Variants in ASIC2 observed in about 807,000 individuals in gnomAD.
ASIC2 encodes the protein acid sensing ion channel subunit 2.
A neutral mutation model predicts 57.3 loss-of-function variants in ASIC2; 25 were observed. The ratio of observed to expected loss-of-function variants is 0.44; its 90% CI spans 0.32 to 0.61. The LOEUF (loss-of-function observed/expected upper bound fraction) is 0.61. ASIC2 is among the 20% of genes least tolerant of loss of function. The probability of loss-of-function intolerance (pLI) is 0.06; values close to 1 mark genes in which losing one functional copy is unlikely to be tolerated. For synonymous variants in ASIC2, 319 were observed against 307.5 expected, an observed-to-expected ratio of 1.04 and a Z score of -0.39; for missense variants, 641 against 738.1, an observed-to-expected ratio of 0.87 and a Z score of 1.52.
chr17:33,400,764 C>T (rs1263916633), intron 1 of ASIC2, among the ~76,000 whole-genome samples: 1 of 152,178 alleles, frequency 6.6e-6, no homozygotes, highest in African/African-American at 2.4e-5. Context: ...TTCCCTTTCA[C>T]CTGTCCTCAC....
At chr17:33,940,737 T>C (rs1916172375) in intron 1 of ASIC2, among the ~76,000 whole-genome samples, 1 of 152,246 alleles carries the variant, frequency 6.6e-6, no homozygotes, top group South Asian at 2.1e-4. Context: ...GAGACAAGAC[T>C]GTTAAGCAAA....
chr17:33,579,094 G>C (rs1597794083), intron 1 of ASIC2, among the ~76,000 whole-genome samples: 1 of 148,916 alleles, frequency 6.7e-6, no homozygotes, highest in Admixed American at 6.6e-5. Context: ...AGACCAGTCT[G>C]GCCAACATGG....
At chr17:33,751,855 C>T (rs1023580821) in intron 1 of ASIC2, among the ~76,000 whole-genome samples, 2 of 141,684 alleles carry the variant, frequency 1.4e-5, no homozygotes, top group African/African-American at 5.1e-5. Context: ...GGGGGCAGAC[C>T]GGGTGTGCTG....
At chr17:33,687,620 C>T (rs1337385176) in intron 1 of ASIC2, among the ~76,000 whole-genome samples, 1 of 152,200 alleles carries the variant, frequency 6.6e-6, no homozygotes, top group East Asian at 1.9e-4. Flanking sequence ...TCATCCCCTT[C>T]AATGTGGCTC....
chr17:33,727,384 T>C (rs2142088171), intron 1 of ASIC2, among the ~76,000 whole-genome samples: 1 of 152,248 alleles, frequency 6.6e-6, no homozygotes, highest in African/African-American at 2.4e-5. Flanking sequence ...GAAGTATAAA[T>C]GGTCCGATTT....
At chr17:33,183,775 GAGATTTCA>G (rs1169148445) in intron 1 of ASIC2, among the ~76,000 whole-genome samples, 1 of 152,128 alleles carries the variant, frequency 6.6e-6, no homozygotes, top group Non-Finnish European at 1.5e-5. Context: ...TGGTTTATAT[GAGATTTCA>G]AGATCTGCAT....
At chr17:34,131,095 G>T (rs371759465) in intron 1 of ASIC2, among the ~76,000 whole-genome samples, 22 of 150,152 alleles carry the variant, frequency 1.5e-4, no homozygotes, top group South Asian at 8.4e-4. Flanking sequence ...CAAAGCTGAG[G>T]GGCCAGTGGG....
intron 1 of ASIC2, among the ~76,000 whole-genome samples, chr17:33,948,597 C>G (rs994107537): frequency 8.5e-5 from 13 of 152,228 alleles, no homozygotes; most frequent in Non-Finnish European, 1.5e-5. Flanking sequence ...CTGCACTACA[C>G]AGAGAAGGCG....
intron 1 of ASIC2, chr17:33,529,896 CT>C (rs1351112414): frequency 2.0e-5 from 3 of 152,198 alleles, no homozygotes; most frequent in African/African-American, 7.2e-5. Context: ...GGACTCCTGC[CT>C]TTGTGCTCCT....
intron 1 of ASIC2, chr17:33,566,026 G>A (rs1916223451): frequency 6.6e-6 from 1 of 152,264 alleles, no homozygotes; most frequent in African/African-American, 2.4e-5. Context: ...TTCTCCTCTT[G>A]TAGCTGGGAG....
At chr17:33,126,895 C>A (rs2092325363) in intron 1 of ASIC2, among the ~76,000 whole-genome samples, 1 of 117,860 alleles carries the variant, frequency 8.5e-6, no homozygotes, top group South Asian at 3.1e-4. Flanking sequence ...GAGTCTCGCT[C>A]TGTCGCCCAG....
chr17:33,743,962 A>C (rs1910185506), intron 1 of ASIC2, among the ~76,000 whole-genome samples: 1 of 152,224 alleles, frequency 6.6e-6, no homozygotes, highest in Non-Finnish European at 1.5e-5. Flanking sequence ...ACATGCTGGA[A>C]GAAACAAGCT....
intron 1 of ASIC2, among the ~76,000 whole-genome samples, chr17:33,457,957 C>G (rs1168021348): frequency 6.6e-6 from 1 of 152,164 alleles, no homozygotes; most frequent in African/African-American, 2.4e-5. Flanking sequence ...CCTTCCATTT[C>G]CAGTTACAAT....
At chr17:34,056,274 G>A (rs1224194383) in intron 1 of ASIC2, among the ~76,000 whole-genome samples, 1 of 152,278 alleles carries the variant, frequency 6.6e-6, no homozygotes, top group Non-Finnish European at 1.5e-5. Flanking sequence ...GCAGACACAT[G>A]GAGCCTGCAG....
chr17:33,952,747 T>C (rs1301067572), intron 1 of ASIC2, among the ~76,000 whole-genome samples: 1 of 151,984 alleles, frequency 6.6e-6, no homozygotes, highest in Non-Finnish European at 1.5e-5. Flanking sequence ...GTATTGATAA[T>C]GGGAAAAAAG....
At chr17:33,862,853 A>T (rs753736702) in intron 1 of ASIC2, among the ~76,000 whole-genome samples, 2 of 152,230 alleles carry the variant, frequency 1.3e-5, no homozygotes, top group African/African-American at 4.8e-5. Flanking sequence ...GCAGATGGTC[A>T]GTTTCTTGAC....
chr17:33,478,387 C>T (rs1913297089), intron 1 of ASIC2, among the ~76,000 whole-genome samples: 2 of 152,218 alleles, frequency 1.3e-5, no homozygotes, highest in Admixed American at 1.3e-4. Flanking sequence ...AACTACCGTT[C>T]TTGGTCTCCG....
intron 1 of ASIC2, among the ~76,000 whole-genome samples, chr17:33,343,149 G>A (rs1907797229): frequency 2.6e-5 from 4 of 152,160 alleles, no homozygotes; most frequent in Admixed American, 1.3e-4. Flanking sequence ...AAAGCTGTGA[G>A]CCCCTCGGAG....
intron 1 of ASIC2, among the ~76,000 whole-genome samples, chr17:33,905,552 T>G (rs1286305599): frequency 7.9e-5 from 12 of 152,212 alleles, no homozygotes; most frequent in African/African-American, 2.7e-4. Context: ...AAGAGTGATG[T>G]GCGAGGACAG....
Sources: allele counts gnomAD v4.1 joint callset (sites outside exome capture counted in the v4.1 genomes callset), GRCh38; gene constraint gnomAD v4.1.1; transcripts MANE v1.5; gene names NCBI Gene and HGNC (gene_info 2026-07-23, HGNC 2026-07-21).